Variants in SYN1 observed in about 807,000 individuals in gnomAD.
The protein encoded by SYN1 is synapsin-1.
Under a neutral mutation model 44.6 loss-of-function variants are expected in SYN1, and 8 were observed. The ratio of observed to expected loss-of-function variants is 0.18; its 90% CI spans 0.11 to 0.32. SYN1 has a LOEUF of 0.32. SYN1 is among the 10% of genes least tolerant of loss of function. The pLI is 1.00. For missense variants in SYN1, 451 were observed against 639.4 expected (o/e 0.71, Z 3.18); for synonymous variants, 275 against 280.1 (o/e 0.98, Z 0.18).
chrX:47,577,567 C>A, intron 5 of SYN1, 66 bp from the exon 6 acceptor site: 1 of 1,019,612 alleles, frequency 9.8e-7, no homozygotes, highest in African/African-American at 1.9e-5. Flanking sequence ...GGTGGGGCGG[C>A]ACTGAGGGGA....
intron 5 of SYN1, among the ~76,000 whole-genome samples, chrX:47,602,461 G>A (rs1387747180): frequency 9.0e-6 from 1 of 111,448 alleles, no homozygotes; most frequent in Non-Finnish European, 1.9e-5. Flanking sequence ...GGCCAACATG[G>A]TGAAACCCCT....
chrX:47,573,180 A>G (rs891860174), intron 12 of SYN1, among the ~76,000 whole-genome samples, 181 bp from the exon 13 acceptor site: 1 of 111,641 alleles, frequency 9.0e-6, no homozygotes, highest in Non-Finnish European at 1.9e-5. Flanking sequence ...CAAGGCTGGG[A>G]GCACTCAGGT....
chrX:47,573,230 G>A (rs1216146446), intron 12 of SYN1, among the ~76,000 whole-genome samples: 1 of 111,793 alleles, frequency 8.9e-6, no homozygotes, highest in Non-Finnish European at 1.9e-5. Context: ...CGAGATCTGG[G>A]ACAGGCTGGG....
At chrX:47,578,721 C>T (rs188897058) in intron 5 of SYN1, among the ~76,000 whole-genome samples, 1 of 111,837 alleles carries the variant, frequency 8.9e-6, no homozygotes. Context: ...CACAGCTGCA[C>T]AGTGCCCCTC....
chrX:47,601,042 A>G (rs1279444591), intron 5 of SYN1, among the ~76,000 whole-genome samples: 1 of 112,039 alleles, frequency 8.9e-6, no homozygotes, highest in East Asian at 2.8e-4. Flanking sequence ...ATAAGAGTAG[A>G]AATAAATGAC....
intron 1 of SYN1, among the ~76,000 whole-genome samples, chrX:47,618,761 A>T (rs2057938251): frequency 9.0e-6 from 1 of 111,427 alleles, no homozygotes; most frequent in Non-Finnish European, 1.9e-5. Flanking sequence ...GCAGGTACTC[A>T]ATGTTTACTA....
Position 47,577,876 on chromosome X carries a change from G to C in SYN1, c.775-375C>G, listed in dbSNP as rs111912745. Among the ~76,000 whole-genome samples, 787 of 108,028 alleles carry C rather than the reference G, an allele frequency of 7.3e-3. 5 individuals carry two copies. The highest frequency in any genetic ancestry group is 0.011 in the South Asian group (28 of 2,491). The allele number at this position is 108,028 out of a possible 115,157, so 93.8% of individuals were successfully genotyped here. A position where few individuals can be genotyped will look rare whatever the true frequency, so the allele number is the denominator to read the frequency against. The stretch of plus-strand genomic sequence containing the variant: ...GTGCCAGTGCGTGTGTGTGGGGGTG[G>C]GGGGGGTGGGGAGTGGTGGTGAGCA... On this transcript the variant is annotated intron_variant, in intron 5 of 12. Transcript: ENST00000295987.
chrX:47,614,976 C>T (rs748275096), intron 1 of SYN1, among the ~76,000 whole-genome samples: 1 of 111,008 alleles, frequency 9.0e-6, no homozygotes, highest in African/African-American at 3.3e-5. Context: ...CAACCTCCCC[C>T]ACAGGTGTTA....
At chrX:47,613,635 C>T (rs890941037) in intron 1 of SYN1, among the ~76,000 whole-genome samples, 1 of 111,796 alleles carries the variant, frequency 8.9e-6, no homozygotes, top group African/African-American at 3.3e-5. Flanking sequence ...CATAACACTG[C>T]GTCAAACCAA....
In SYN1 at chrX:47,614,092, ATGATTGCCCTCAGGGCACTTCG is replaced by A. The variant is rs1478470052; in HGVS notation, c.377+5238_377+5259del. Among the ~76,000 whole-genome samples the A allele has an allele frequency of 7.1e-5, 8 of 112,080 alleles. No individual in the cohort carries two copies. The Middle Eastern group carries it at 0.014, about 192-fold the overall frequency. On this transcript the variant is annotated intron_variant, in intron 1 of 12. Transcript: ENST00000295987. ...CAAGAATCCCATTAAACTGTAAGCT[ATGATTGCCCTCAGGGCACTTCG>A]TGTTTCTCATGCCAAGGGACATAAA...
chrX:47,576,535 G>A lies in SYN1; in HGVS notation c.943C>T (p.Arg315Cys), dbSNP rs762952014. 3.3e-6 allele frequency: 4 copies of A among 1,211,691 alleles called. No individual in the cohort carries two copies. Among genetic ancestry groups the A allele is most frequent in the Non-Finnish European group, 4.5e-6 (4 of 895,546 alleles). Residue 315 changes from arginine to cysteine, a missense_variant, in exon 7 of 13, where the codon CGT becomes TGT. Transcript: ENST00000295987. The stretch of plus-strand genomic sequence containing the variant: ...TAGTTCTGCCCAATCTTCTGGACAC[G>A]CACGTCATATTTGGCATCGATGAAG... ...EPFIDAKYDV[R>C]VQKIGQNYKA... is the part of the protein sequence containing the mutation.
chrX:47,572,826 G>A lies in SYN1; in HGVS notation c.*38C>T, dbSNP rs2057764119. 1.7e-6 allele frequency: 2 copies of A among 1,210,068 alleles called. No homozygotes were observed. Among genetic ancestry groups the A allele is most frequent in the African/African-American group, 1.7e-5 (1 of 57,666 alleles). On this transcript the variant is annotated 3_prime_UTR_variant, in exon 13 of 13. Transcript: ENST00000295987. ...AGAAATGGATTCAGGGCCCAGAGAA[G>A]GGTTGCCCAGGGATTTTGGGGTTCT... is the stretch of plus-strand genomic sequence containing the variant.
At chrX:47,591,058 A>G (rs1395832159) in intron 5 of SYN1, among the ~76,000 whole-genome samples, 1 of 110,955 alleles carries the variant, frequency 9.0e-6, no homozygotes, top group Admixed American at 9.6e-5. Context: ...ATGCTCAGCT[A>G]ATTTTTTGTA....
At chrX:47,589,429 T>C (rs1262605410) in intron 5 of SYN1, among the ~76,000 whole-genome samples, 1 of 102,853 alleles carries the variant, frequency 9.7e-6, no homozygotes, top group Admixed American at 1.1e-4. Flanking sequence ...CTGTCTCTAC[T>C]AAAAATACCA....
chrX:47,572,740 G>C lies in SYN1; in HGVS notation c.*124C>G. On this transcript the variant is annotated 3_prime_UTR_variant, in exon 13 of 13. Transcript: ENST00000295987. ...GGTACTCGGGGATCTTGAGGAATGA[G>C]AGGTGGAATCTTGGAGAACCGGGAG... 2.0e-6 allele frequency: 2 copies of C among 1,025,229 alleles called. No individual in the cohort carries two copies. The highest frequency in any genetic ancestry group is 2.7e-6 in the Non-Finnish European group (2 of 737,839). 84.5% of individuals were successfully genotyped at this position (1,025,229 alleles called of 1,213,427 possible).
At chrX:47,607,727 G>GAAAAAAAAAAAAAAA (rs5902397) in intron 1 of SYN1, among the ~76,000 whole-genome samples, 1 of 51,741 alleles carries the variant, frequency 1.9e-5, no homozygotes, top group African/African-American at 7.2e-5. Flanking sequence ...AAAAAAAATT[G>GAAAAAAAAAAAAAAA]AAAAAAAAAA....
chrX:47,607,220 T>G, intron 1 of SYN1, 22 bp from the exon 2 acceptor site: 1 of 1,200,265 alleles, frequency 8.3e-7, no homozygotes, highest in Non-Finnish European at 1.1e-6. Context: ...AAACAACACA[T>G]CTGTCAATGA....
chrX:47,582,474 G>C, intron 5 of SYN1: 1 of 285,727 alleles, frequency 3.5e-6, no homozygotes, highest in East Asian at 1.1e-4. Context: ...AGACACCAGA[G>C]GTAAGCAGGG....
intron 1 of SYN1, among the ~76,000 whole-genome samples, chrX:47,614,161 G>A (rs1171225251): frequency 8.9e-6 from 1 of 111,990 alleles, no homozygotes; most frequent in African/African-American, 3.2e-5. Context: ...GTCTTGGCAG[G>A]GGACGTGACC....
Sources: allele counts gnomAD v4.1 joint callset (sites outside exome capture counted in the v4.1 genomes callset), GRCh38; gene constraint gnomAD v4.1.1; transcripts MANE v1.5; gene names NCBI Gene and HGNC (gene_info 2026-07-23, HGNC 2026-07-21).